Variants in ASCC3 observed in about 807,000 individuals in gnomAD.
ASCC3 encodes ASC-1 complex subunit P200.
Under a neutral mutation model 256.3 loss-of-function variants are expected in ASCC3, and 158 were observed. The ratio of observed to expected loss-of-function variants is 0.62; its 90% CI spans 0.54 to 0.70. The LOEUF is 0.70. Ranked by LOEUF, ASCC3 falls within the 30% of genes least tolerant of loss-of-function variation. ASCC3 has a pLI of 0.00. For missense variants in ASCC3, 2,259 were observed against 2,626.0 expected, an observed-to-expected ratio of 0.86 and a Z score of 3.05; for synonymous variants, 948 against 883.4, an observed-to-expected ratio of 1.07 and a Z score of -1.30.
intron 13 of ASCC3, among the ~76,000 whole-genome samples, chr6:100,706,229 C>T (rs1027988061): frequency 6.6e-5 from 10 of 150,606 alleles, no homozygotes; most frequent in Admixed American, 2.7e-4. Context: ...TTTCATTTTC[C>T]GACAGATGGA....
chr6:100,875,260 A>C (rs575805448), intron 1 of ASCC3, among the ~76,000 whole-genome samples: 1 of 152,302 alleles, frequency 6.6e-6, no homozygotes, highest in East Asian at 1.9e-4. Flanking sequence ...AAAGAAGGAG[A>C]AAGGAGCAGG....
intron 36 of ASCC3, among the ~76,000 whole-genome samples, chr6:100,588,146 A>G (rs1431042080): frequency 1.3e-5 from 2 of 152,148 alleles, no homozygotes; most frequent in Non-Finnish European, 2.9e-5. Flanking sequence ...AATCTTTAAA[A>G]TGGGAATAAT....
chr6:100,777,935 G>GA (rs1782265883), intron 8 of ASCC3, among the ~76,000 whole-genome samples: 2 of 151,962 alleles, frequency 1.3e-5, no homozygotes, highest in African/African-American at 4.8e-5. Flanking sequence ...CTACCATGTG[G>GA]AAAAAAGACT....
chr6:100,679,522 C>A, intron 14 of ASCC3, 96 bp downstream of exon 14: 1 of 1,559,598 alleles, frequency 6.4e-7, no homozygotes, highest in Non-Finnish European at 8.8e-7. Flanking sequence ...GCAAAATTAA[C>A]TTCTTGGAAA....
intron 26 of ASCC3, among the ~76,000 whole-genome samples, chr6:100,630,525 TA>T (rs1774486640): frequency 6.6e-6 from 1 of 151,460 alleles, no homozygotes; most frequent in Non-Finnish European, 1.5e-5. Flanking sequence ...TCTTTCCGTA[TA>T]AAAAAATTCA....
rs1554220102 is a variant in ASCC3 at position 100,723,876 on chromosome 6, A to ATATATATATTTATAAT, written c.1902+1662_1902+1663insATTATAAATATATATA. On this transcript the variant is annotated intron_variant, in intron 11 of 41. Transcript: ENST00000369162. ...ATTAGGGAATTATATATATATATAT[A>ATATATATATTTATAAT]TATATATATATATATATATATTTAT... Among the ~76,000 whole-genome samples, 1,251 of 131,158 alleles carry ATATATATATTTATAAT rather than the reference A, an allele frequency of 9.5e-3. 12 individuals are homozygous for ATATATATATTTATAAT. The highest frequency in any genetic ancestry group is 0.015 in the Non-Finnish European group (950 of 64,042). The allele number at this position is 131,158 out of a possible 152,430, so 86.0% of individuals were successfully genotyped here.
chr6:100,681,408 T>C (rs923205133), intron 13 of ASCC3, among the ~76,000 whole-genome samples: 8 of 152,032 alleles, frequency 5.3e-5, no homozygotes, highest in Non-Finnish European at 1.0e-4. Context: ...CTGATACTAA[T>C]AGGTTTTGAA....
Position 100,759,785 on chromosome 6 carries a change from T to C in ASCC3, c.1737+6780A>G, listed in dbSNP as rs576015648. 7.2e-5 allele frequency among the ~76,000 whole-genome samples: 11 copies of C among 152,314 alleles called. 1 individual carries two copies. The South Asian group carries it at 2.3e-3, about 32-fold the overall frequency. ...TCACAATATTGATTCTTCCTATCCATGGGGATGGAATGTTTTTCCATTTGT... is the reference window on the plus strand; with the variant it reads ...TCACAATATTGATTCTTCCTATCCACGGGGATGGAATGTTTTTCCATTTGT... On this transcript the variant is annotated intron_variant, in intron 10 of 41. Coordinates refer to ENST00000369162, the MANE Select transcript of ASCC3 (RefSeq NM_006828.4).
intron 3 of ASCC3, chr6:100,858,729 C>T: frequency 1.9e-6 from 2 of 1,067,404 alleles, no homozygotes; most frequent in Non-Finnish European, 2.3e-6. Context: ...ACTATATATA[C>T]TGCAGTATGC....
At chr6:100,517,147 C>A (rs965451921) in intron 38 of ASCC3, among the ~76,000 whole-genome samples, 3 of 152,062 alleles carry the variant, frequency 2.0e-5, no homozygotes, top group Admixed American at 1.3e-4. Context: ...ACTATGGAGA[C>A]AACTGCCCTG....
chr6:100,735,138 C>T (rs1780089450), intron 10 of ASCC3, among the ~76,000 whole-genome samples: 1 of 152,028 alleles, frequency 6.6e-6, no homozygotes, highest in Non-Finnish European at 1.5e-5. Flanking sequence ...ATAGAAAGGG[C>T]AAAATATCAG....
Position 100,804,336 on chromosome 6 carries a change from A to G in ASCC3, c.922+1424T>C, listed in dbSNP as rs576046699. Reference sequence around the variant, plus strand: ...TCATTGTATTATTCTTGTAACTTTAAGTTTGAAAGTTGTCAAAATAAAAAG... The same window carrying G: ...TCATTGTATTATTCTTGTAACTTTAGGTTTGAAAGTTGTCAAAATAAAAAG... On this transcript the variant is annotated intron_variant, in intron 5 of 41. Transcript: ENST00000369162. Among the ~76,000 whole-genome samples the G allele has an allele frequency of 2.0e-5, 3 of 152,190 alleles. No individual in the cohort carries two copies. The East Asian group carries it at 5.8e-4, about 29-fold the overall frequency.
chr6:100,823,535 C>A (rs1771155466), intron 4 of ASCC3, among the ~76,000 whole-genome samples: 2 of 152,120 alleles, frequency 1.3e-5, no homozygotes, highest in South Asian at 4.1e-4. Flanking sequence ...GGGCAACATG[C>A]TTTTCCTGGT....
chr6:100,864,107 T>G lies in ASCC3; in HGVS notation c.198A>C (p.Ile66=). The change falls in exon 3 of 42, where the codon ATA becomes ATC. Residue 66 remains isoleucine, a synonymous_variant. Coordinates refer to ENST00000369162, the MANE Select transcript of ASCC3 (RefSeq NM_006828.4). The stretch of plus-strand genomic sequence containing the variant: ...GTAATATATCTTTTAAGTCTTCATT[T>G]ATACTTTGCATTTTACTCTTCTCCA... ...EKLEKSKMQS[I]NEDLKDILHA... 1 of 1,599,542 alleles carries G rather than the reference T, an allele frequency of 6.3e-7. No individual in the cohort carries two copies. Among genetic ancestry groups the G allele is most frequent in the Non-Finnish European group, 8.5e-7 (1 of 1,169,728 alleles).
At position 100,767,209 on chromosome 6, in the gene ASCC3, A is replaced by G; in HGVS notation, c.1532T>C (p.Leu511Pro). The change falls in exon 9 of 42, where the codon CTG (leucine) becomes CCG (proline). Residue 511 changes from leucine (L) to proline (P), a missense_variant. Coordinates refer to ENST00000369162, the MANE Select transcript of ASCC3 (RefSeq NM_006828.4). ...TTGGCGAATTTCATGCAAGACTGTC[A>G]GCATTGCAATGTTGGTTTTTCCAGC... is the stretch of plus-strand genomic sequence containing the variant. ...TGAGKTNIAMLTVLHEIRQHF... is the reference protein window; with the variant it reads ...TGAGKTNIAMPTVLHEIRQHF... 1 of 1,614,142 alleles carries G rather than the reference A, an allele frequency of 6.2e-7. No individual in the cohort carries two copies. Among genetic ancestry groups the G allele is most frequent in the Non-Finnish European group, 8.5e-7 (1 of 1,180,006 alleles).
intron 18 of ASCC3, 72 bp downstream of exon 18, chr6:100,652,653 C>T: frequency 1.4e-6 from 2 of 1,425,430 alleles, no homozygotes; most frequent in South Asian, 1.2e-5. Flanking sequence ...CATTATTTTA[C>T]ATTAATAATA....
In ASCC3 at chr6:100,818,568, CAA is replaced by C. The variant is rs529493065; in HGVS notation, c.802-12690_802-12689del. On this transcript the variant is annotated intron_variant, in intron 4 of 41. Coordinates refer to ENST00000369162, the MANE Select transcript of ASCC3 (RefSeq NM_006828.4). ...TGGATGACAGGGCAAGACTCCGTCTCAAAAAAAAAAAAAAAAGAAGAAGAAAA... is the reference window on the plus strand; with the variant it reads ...TGGATGACAGGGCAAGACTCCGTCTCAAAAAAAAAAAAAAGAAGAAGAAAA... 7.8e-5 allele frequency among the ~76,000 whole-genome samples: 8 copies of C among 103,186 alleles called. No homozygotes were observed. In the South Asian group the frequency reaches 1.9e-3, roughly 25 times the overall value. The allele number at this position is 103,186 out of a possible 152,430, so 67.7% of individuals were successfully genotyped here.
At chr6:100,668,750 G>A (rs1396261702) in intron 14 of ASCC3, among the ~76,000 whole-genome samples, 2 of 151,792 alleles carry the variant, frequency 1.3e-5, no homozygotes, top group East Asian at 3.9e-4. Flanking sequence ...GAATGCAAGG[G>A]CATTGTACTT....
chr6:100,758,040 G>A (rs1242237701), intron 10 of ASCC3, among the ~76,000 whole-genome samples: 1 of 152,082 alleles, frequency 6.6e-6, no homozygotes, highest in Non-Finnish European at 1.5e-5. Flanking sequence ...TGTGTAAAAA[G>A]AGTATCGGCT....
Sources: gnomAD v4.1 joint callset for allele counts (sites outside exome capture counted in the v4.1 genomes callset) on GRCh38, gnomAD v4.1.1 for gene constraint, MANE v1.5 for transcripts, NCBI Gene and HGNC (gene_info 2026-07-23, HGNC 2026-07-21) for gene names.